CMTM2: variants seen among roughly 807,000 people sequenced by gnomAD.
CMTM2 encodes CKLF-like MARVEL transmembrane domain-containing protein 2.
In CMTM2, 15 loss-of-function variants were observed where a neutral mutation model predicts 16.8. That is an observed-to-expected ratio of 0.89 (90% CI 0.60 to 1.37). The LOEUF is 1.37. Ranked by LOEUF, CMTM2 falls within the 40% of genes most tolerant of loss-of-function variation. The probability of loss-of-function intolerance (pLI) is 0.00; values close to 1 mark genes in which losing one functional copy is unlikely to be tolerated. For synonymous variants in CMTM2, 117 were observed against 118.7 expected (o/e 0.99, Z 0.09); for missense variants, 282 against 318.0 (o/e 0.89, Z 0.86).
At chr16:66,586,869 T>G (rs1205179890) in intron 2 of CMTM2, 128 bp from the exon 3 acceptor site, 9 of 699,000 alleles carry the variant, frequency 1.3e-5, no homozygotes, top group Non-Finnish European at 2.1e-5. Context: ...GTGTTTATCT[T>G]TATGCATACA....
At chr16:66,587,552 G>A (rs369272570) in intron 3 of CMTM2, among the ~76,000 whole-genome samples, 3 of 151,034 alleles carry the variant, frequency 2.0e-5, no homozygotes, top group African/African-American at 4.9e-5. Context: ...GCGAGACTTC[G>A]TCTCAAAGGA....
In CMTM2 at chr16:66,579,875, A is replaced by G; in HGVS notation, c.268A>G (p.Ile90Val). Residue 90 changes from isoleucine (I) to valine (V), a missense_variant, in exon 1 of 4, where the codon ATC becomes GTC. Physicochemically the swap from Ile to Val is conservative, Grantham distance 29. Coordinates refer to ENST00000268595, the MANE Select transcript of CMTM2 (RefSeq NM_144673.3). This position sits in a 1 kb window ranked among gnomAD's most constrained non-coding sequence, Gnocchi z 6.5. ...KEFWLLGHAE[I>V]KIRSLGCLIA... ...GTTCTGGCTCTTGGGGCACGCTGAG[A>G]TCAAGATTCGGAGTTTGGTGAGCTA... 1 of 1,613,510 alleles carries G rather than the reference A, an allele frequency of 6.2e-7. No individual in the cohort carries two copies. The highest frequency in any genetic ancestry group is 2.2e-5 in the East Asian group (1 of 44,856).
In CMTM2 at chr16:66,579,728, G is replaced by C. The variant is rs932122144; in HGVS notation, c.121G>C (p.Ala41Pro). Reference protein sequence around the residue: ...GKEPSDKPQKAVQDHKEPSDK... With the variant: ...GKEPSDKPQKPVQDHKEPSDK... ...GGAGCCATCGGACAAACCTCAAAAGGCGGTGCAGGACCATAAGGAGCCATC... is the reference window on the plus strand; with the variant it reads ...GGAGCCATCGGACAAACCTCAAAAGCCGGTGCAGGACCATAAGGAGCCATC... Residue 41 changes from alanine to proline, a missense_variant, in exon 1 of 4, where the codon GCG (alanine) becomes CCG (proline). Coordinates refer to ENST00000268595, the MANE Select transcript of CMTM2 (RefSeq NM_144673.3). The surrounding 1 kb of genome is among the most constrained non-coding windows in gnomAD (Gnocchi z 6.5). The C allele has an allele frequency of 5.0e-6, 8 of 1,613,526 alleles. No homozygotes were observed. The highest frequency in any genetic ancestry group is 6.8e-6 in the Non-Finnish European group (8 of 1,179,668).
rs1436149461 is a variant in CMTM2, at chr16:66,579,611, G to A, written c.4G>A (p.Ala2Thr). The A allele has an allele frequency of 6.2e-7, 1 of 1,613,928 alleles. No homozygotes were observed. Among genetic ancestry groups the A allele is most frequent in the East Asian group, 2.2e-5 (1 of 44,878 alleles). M[A>T]PKAAKGAKPE... ...AGCCAAGGACACCGAGTCAGTCATG[G>A]CACCTAAGGCGGCAAAGGGGGCCAA... is the stretch of plus-strand genomic sequence containing the variant. Residue 2 changes from alanine (A) to threonine (T), a missense_variant, in exon 1 of 4, where the codon GCA becomes ACA. By Grantham distance (58) the Ala-to-Thr change is moderately conservative (BLOSUM62 0). Transcript: ENST00000268595. The surrounding 1 kb of genome is among the most constrained non-coding windows in gnomAD (Gnocchi z 6.5).
intron 2 of CMTM2, among the ~76,000 whole-genome samples, chr16:66,585,015 C>T (rs1320152893): frequency 2.0e-5 from 3 of 150,514 alleles, no homozygotes; most frequent in East Asian, 3.9e-4. Flanking sequence ...GGCGCAATCT[C>T]GGCTCACCGC....
Position 66,579,568 on chromosome 16 carries a change from A to G in CMTM2, c.-40A>G. Reference sequence around the variant, plus strand: ...CCCAGAAACAGCAGGAGAGAGAAGAAACAGGCCAGCTGTGAGAAGCCAAGG... The same window carrying G: ...CCCAGAAACAGCAGGAGAGAGAAGAGACAGGCCAGCTGTGAGAAGCCAAGG... On this transcript the variant is annotated 5_prime_UTR_variant, in exon 1 of 4. Coordinates refer to ENST00000268595, the MANE Select transcript of CMTM2 (RefSeq NM_144673.3). This position sits in a 1 kb window ranked among gnomAD's most constrained non-coding sequence, Gnocchi z 6.5. 1 of 1,610,468 alleles carries G rather than the reference A, an allele frequency of 6.2e-7. No individual in the cohort carries two copies. Among genetic ancestry groups the G allele is most frequent in the Admixed American group, 1.7e-5 (1 of 59,798 alleles).
chr16:66,583,645 C>T (rs2014759858), intron 2 of CMTM2, among the ~76,000 whole-genome samples: 1 of 151,912 alleles, frequency 6.6e-6, no homozygotes, highest in African/African-American at 2.4e-5. Context: ...AATAGAGAAA[C>T]ATTCCACATT....
At chr16:66,586,424 G>A (rs1257171099) in intron 2 of CMTM2, among the ~76,000 whole-genome samples, 2 of 152,170 alleles carry the variant, frequency 1.3e-5, no homozygotes, top group African/African-American at 4.8e-5. Flanking sequence ...GATCGCTTGA[G>A]TCCAGGAGTT....
At chr16:66,581,065 C>A (rs1342047239) in intron 2 of CMTM2, among the ~76,000 whole-genome samples, 1 of 152,062 alleles carries the variant, frequency 6.6e-6, no homozygotes. Context: ...GCCCCCAGGT[C>A]ACTCAGCTGG....
At position 66,580,107 on chromosome 16, in the gene CMTM2, T is replaced by C. The variant is rs760310900; in HGVS notation, c.367T>C (p.Ser123Pro). The change falls in exon 2 of 4, where the codon TCC (serine) becomes CCC (proline). Residue 123 changes from serine to proline, a missense_variant. Ser to Pro is a moderately conservative substitution (Grantham distance 74). Coordinates refer to ENST00000268595, the MANE Select transcript of CMTM2 (RefSeq NM_144673.3). ...GAGGCTTATCATCACCATGGAGATA[T>C]CCTTCTTCAGCTTCTTCATCTTACT... The part of the protein sequence containing the change: ...ILRLIITMEI[S>P]FFSFFILLYS... 3.7e-6 allele frequency: 6 copies of C among 1,614,090 alleles called. No individual in the cohort carries two copies. In the South Asian group the frequency reaches 5.5e-5, roughly 15 times the overall value.
chr16:66,584,183 G>A (rs1021725209), intron 2 of CMTM2, among the ~76,000 whole-genome samples: 1 of 152,052 alleles, frequency 6.6e-6, no homozygotes, highest in Non-Finnish European at 1.5e-5. Flanking sequence ...ACAGACATGC[G>A]CCACTAAGCC....
At chr16:66,585,237 C>A (rs1323597861) in intron 2 of CMTM2, among the ~76,000 whole-genome samples, 1 of 152,126 alleles carries the variant, frequency 6.6e-6, no homozygotes, top group African/African-American at 2.4e-5. Context: ...TGAGCCACTG[C>A]GCCCAGCTTA....
At chr16:66,581,976 A>G (rs985793348) in intron 2 of CMTM2, among the ~76,000 whole-genome samples, 1 of 151,850 alleles carries the variant, frequency 6.6e-6, no homozygotes, top group Non-Finnish European at 1.5e-5. Context: ...AGATTCTCAC[A>G]GTGGGGGTGG....
In CMTM2 at chr16:66,579,815, C is replaced by G. The variant is rs1371116420; in HGVS notation, c.208C>G (p.Arg70Gly). Residue 70 changes from arginine to glycine, a missense_variant, in exon 1 of 4, where the codon CGC (arginine) becomes GGC (glycine). Coordinates refer to ENST00000268595, the MANE Select transcript of CMTM2 (RefSeq NM_144673.3). This position sits in a 1 kb window ranked among gnomAD's most constrained non-coding sequence, Gnocchi z 6.5. Reference sequence around the variant, plus strand: ...AGTGGGCACGAGGAGGGGGTGTCGCCGCTACCGGTGGGAATTAAAAGACAG... The same window carrying G: ...AGTGGGCACGAGGAGGGGGTGTCGCGGCTACCGGTGGGAATTAAAAGACAG... ...HEVGTRRGCRRYRWELKDSNK... is the reference protein window; with the variant it reads ...HEVGTRRGCRGYRWELKDSNK... The G allele has an allele frequency of 6.2e-7, 1 of 1,613,612 alleles. No homozygotes were observed. The highest frequency in any genetic ancestry group is 1.3e-5 in the African/African-American group (1 of 74,700).
chr16:66,580,232 G>A lies in CMTM2; in HGVS notation c.444+48G>A, dbSNP rs777335328. On this transcript the variant is annotated intron_variant, in intron 2 of 3. Transcript: ENST00000268595. Reference sequence around the variant, plus strand: ...TGCCTGCATCCAGAATGCTGATCAGGTGTGTCTTGGCACCTGGAAAGTCAC... The same window carrying A: ...TGCCTGCATCCAGAATGCTGATCAGATGTGTCTTGGCACCTGGAAAGTCAC... 3.1e-6 allele frequency: 5 copies of A among 1,601,528 alleles called. No homozygotes were observed. The South Asian group carries it at 4.4e-5, about 14-fold the overall frequency.
chr16:66,582,401 A>G (rs1352275026), intron 2 of CMTM2, among the ~76,000 whole-genome samples: 1 of 152,202 alleles, frequency 6.6e-6, no homozygotes, highest in African/African-American at 2.4e-5. Flanking sequence ...GAGTGAGAAC[A>G]TCCATCAGTG....
At chr16:66,585,287 T>TA (rs1468753090) in intron 2 of CMTM2, among the ~76,000 whole-genome samples, 1 of 152,098 alleles carries the variant, frequency 6.6e-6, no homozygotes, top group Non-Finnish European at 1.5e-5. Flanking sequence ...CAGGTGCCTA[T>TA]AGTCCCAGCT....
chr16:66,580,486 AGCTGTTCCT>A, intron 2 of CMTM2: 1 of 351,226 alleles, frequency 2.8e-6, no homozygotes, highest in South Asian at 4.8e-5. Context: ...TGTAGCAACC[AGCTGTTCCT>A]CCGAACTCCT....
At chr16:66,586,092 CAG>C (rs915621089) in intron 2 of CMTM2, among the ~76,000 whole-genome samples, 5 of 152,008 alleles carry the variant, frequency 3.3e-5, no homozygotes, top group Admixed American at 3.3e-4. Context: ...ACTGAAGTCA[CAG>C]GGGATGGGCA....
Sources: gnomAD v4.1 joint callset for allele counts (sites outside exome capture counted in the v4.1 genomes callset) on GRCh38, gnomAD v4.1.1 for gene constraint, Gnocchi (gnomAD v3.1) non-coding constraint, MANE v1.5 for transcripts, NCBI Gene and HGNC (gene_info 2026-07-23, HGNC 2026-07-21) for gene names.